Variants in NRXN3 observed in about 807,000 individuals in gnomAD.
NRXN3 encodes the protein neurexin 3.
NRXN3 carries 32 observed loss-of-function variants against 137.6 expected under a neutral mutation model. The observed-to-expected ratio is 0.23, with a 90% CI of 0.18 to 0.31. NRXN3 has a LOEUF of 0.31. Ranked by LOEUF, NRXN3 falls within the 10% of genes least tolerant of loss-of-function variation. NRXN3 has a pLI of 1.00. For synonymous variants in NRXN3, 798 were observed against 784.5 expected, an observed-to-expected ratio of 1.02 and a Z score of -0.29; for missense variants, 1,574 against 2,062.5, an observed-to-expected ratio of 0.76 and a Z score of 4.59.
chr14:78,462,350 G>A (rs1006918075), intron 4 of NRXN3, among the ~76,000 whole-genome samples: 1 of 152,166 alleles, frequency 6.6e-6, no homozygotes, highest in Non-Finnish European at 1.5e-5. Context: ...CTGTCACCAG[G>A]TGCCACATCA....
chr14:78,678,833 C>G (rs903130762), intron 6 of NRXN3, among the ~76,000 whole-genome samples: 2 of 152,160 alleles, frequency 1.3e-5, no homozygotes, highest in African/African-American at 2.4e-5. Flanking sequence ...CTACTAAGCC[C>G]CAGTGAGTGG....
intron 15 of NRXN3, among the ~76,000 whole-genome samples, chr14:79,382,928 T>C (rs888448122): frequency 1.3e-5 from 2 of 151,554 alleles, no homozygotes; most frequent in African/African-American, 2.4e-5. Context: ...ACAAAAACCG[T>C]GTTTTTTCTA....
intron 4 of NRXN3, among the ~76,000 whole-genome samples, chr14:78,643,106 G>C (rs1463760545): frequency 6.6e-6 from 1 of 152,174 alleles, no homozygotes; most frequent in Non-Finnish European, 1.5e-5. Context: ...ATAATGCTAA[G>C]ATTAATTTAA....
At chr14:79,852,038 T>A (rs1307602539) in intron 20 of NRXN3, among the ~76,000 whole-genome samples, 2 of 152,104 alleles carry the variant, frequency 1.3e-5, no homozygotes, top group African/African-American at 4.8e-5. Flanking sequence ...TCTACTGTCA[T>A]CATTGTGCTC....
intron 15 of NRXN3, among the ~76,000 whole-genome samples, chr14:79,254,053 T>G (rs957510327): frequency 2.6e-5 from 4 of 152,180 alleles, no homozygotes. Context: ...TTATTTCCAT[T>G]CCATGGTCTA....
chr14:78,324,785 G>C (rs1597344613), intron 4 of NRXN3, among the ~76,000 whole-genome samples: 1 of 152,010 alleles, frequency 6.6e-6, no homozygotes. Context: ...AGCTGGCCAG[G>C]GGGGAAGCCA....
intron 8 of NRXN3, among the ~76,000 whole-genome samples, chr14:78,801,382 C>T (rs2098838435): frequency 1.3e-5 from 2 of 152,164 alleles, no homozygotes; most frequent in East Asian, 3.9e-4. Context: ...TTAATTGACT[C>T]ACAGTTCTGC....
intron 19 of NRXN3, among the ~76,000 whole-genome samples, chr14:79,758,480 C>T (rs2099027513): frequency 6.6e-6 from 1 of 152,138 alleles, no homozygotes; most frequent in African/African-American, 2.4e-5. Flanking sequence ...AGAACTCACT[C>T]ATTACCTCGA....
intron 4 of NRXN3, among the ~76,000 whole-genome samples, chr14:78,365,980 TCAGA>T (rs1044595105): frequency 6.6e-6 from 1 of 152,186 alleles, no homozygotes; most frequent in Non-Finnish European, 1.5e-5. Context: ...AACTATGAAC[TCAGA>T]CAGATCTGGC....
intron 16 of NRXN3, among the ~76,000 whole-genome samples, chr14:79,508,110 C>T (rs553054028): frequency 7.2e-5 from 11 of 152,178 alleles, no homozygotes; most frequent in African/African-American, 2.6e-4. Flanking sequence ...TGACCTTGAG[C>T]AAATCACTGA....
chr14:78,952,750 A>C (rs17108387), intron 10 of NRXN3, among the ~76,000 whole-genome samples: 4,130 of 152,262 alleles, frequency 0.027, 174 homozygotes, highest in African/African-American at 0.091. Context: ...CATGTGAAAC[A>C]TAGTTTGAAG....
intron 16 of NRXN3, among the ~76,000 whole-genome samples, chr14:79,565,325 G>GTATA (rs780709527): frequency 0.034 from 4,783 of 139,518 alleles, 123 homozygotes; most frequent in Middle Eastern, 0.1. Flanking sequence ...ACATGTGTGT[G>GTATA]TATATATATA....
At chr14:79,757,153 G>T (rs75836214) in intron 19 of NRXN3, among the ~76,000 whole-genome samples, 1 of 152,144 alleles carries the variant, frequency 6.6e-6, no homozygotes, top group Non-Finnish European at 1.5e-5. Context: ...TCTCCAAGCC[G>T]TCTGATTAAT....
intron 17 of NRXN3, among the ~76,000 whole-genome samples, chr14:79,686,076 G>C (rs1253600106): frequency 6.6e-6 from 1 of 151,880 alleles, no homozygotes; most frequent in African/African-American, 2.4e-5. Flanking sequence ...GGTGGATCAC[G>C]AGGTCAGGAG....
intron 4 of NRXN3, among the ~76,000 whole-genome samples, chr14:78,477,741 TATTA>T (rs1484747999): frequency 1.3e-5 from 2 of 152,182 alleles, no homozygotes; most frequent in Admixed American, 6.5e-5. Flanking sequence ...TAAATCCTAC[TATTA>T]ATTAAAAAGG....
chr14:78,873,209 C>A (rs968168357), intron 10 of NRXN3, among the ~76,000 whole-genome samples: 2 of 152,178 alleles, frequency 1.3e-5, no homozygotes, highest in Admixed American at 6.5e-5. Context: ...TGTCAATTAC[C>A]ACACATCTAT....
At position 79,498,639 on chromosome 14, in the gene NRXN3, C is replaced by T. The variant is rs555047522; in HGVS notation, c.3444+31237C>T. Among the ~76,000 whole-genome samples, 19 of 152,306 alleles carry T rather than the reference C, an allele frequency of 1.2e-4. 1 individual carries two copies. The Middle Eastern group carries it at 0.017, about 136-fold the overall frequency. ...ACAAAGTTCTATAGAATCTACCTCCCGAATACATTCAAAATTAGACCACTT... is the reference window on the plus strand; with the variant it reads ...ACAAAGTTCTATAGAATCTACCTCCTGAATACATTCAAAATTAGACCACTT... On this transcript the variant is annotated intron_variant, in intron 16 of 20. Transcript: ENST00000335750.
At position 78,957,186 on chromosome 14, in the gene NRXN3, G is replaced by A. The variant is rs2099398436; in HGVS notation, c.2276-56G>A. On this transcript the variant is annotated intron_variant, in intron 10 of 20. Coordinates refer to ENST00000335750, the MANE Select transcript of NRXN3 (RefSeq NM_001330195.2). ...CCAGTGTGGTTTTGACAACCCTGAT[G>A]CATGAGCACTACTTTCAGAATTGAT... is the stretch of plus-strand genomic sequence containing the variant. 4 of 1,596,042 alleles carry A rather than the reference G, an allele frequency of 2.5e-6. No individual in the cohort carries two copies. The South Asian group carries it at 3.4e-5, about 13-fold the overall frequency.
In NRXN3 at chr14:78,461,171, A is replaced by C. The variant is rs776495606; in HGVS notation, c.757+163311A>C. Reference sequence around the variant, plus strand: ...TCCTGGTACAACTCTTGTGAGTCTTATGTGTGTGCATGTGTTCGCATGCAA... The same window carrying C: ...TCCTGGTACAACTCTTGTGAGTCTTCTGTGTGTGCATGTGTTCGCATGCAA... On this transcript the variant is annotated intron_variant, in intron 4 of 20. Coordinates refer to ENST00000335750, the MANE Select transcript of NRXN3 (RefSeq NM_001330195.2). 1.3e-5 allele frequency among the ~76,000 whole-genome samples: 2 copies of C among 152,340 alleles called. 1 individual carries two copies. The highest frequency in any genetic ancestry group is 4.1e-4 in the South Asian group (2 of 4,820).
Sources: allele counts gnomAD v4.1 joint callset (sites outside exome capture counted in the v4.1 genomes callset), GRCh38; gene constraint gnomAD v4.1.1; transcripts MANE v1.5; gene names NCBI Gene and HGNC (gene_info 2026-07-23, HGNC 2026-07-21).